Variants in TAB2 observed in about 807,000 individuals in gnomAD.
TAB2 encodes TGF-beta-activated kinase 1 and MAP3K7-binding protein 2.
TAB2 carries 3 observed loss-of-function variants against 65.0 expected under a neutral mutation model. The observed-to-expected ratio is 0.05, with a 90% CI of 0.02 to 0.12. The LOEUF is 0.12. Among genes scored for constraint, TAB2 ranks in the 10% least tolerant of loss-of-function variants. TAB2 has a pLI of 1.00. For missense variants in TAB2, 623 were observed against 840.3 expected (o/e 0.74, Z 3.20); for synonymous variants, 298 against 285.1 (o/e 1.05, Z -0.46).
At chr6:149,298,491 G>C (rs1778916250) in intron 1 of TAB2, among the ~76,000 whole-genome samples, 1 of 152,066 alleles carries the variant, frequency 6.6e-6, no homozygotes. Context: ...AACCAGGCGT[G>C]GTAGTGCACA....
intron 1 of TAB2, among the ~76,000 whole-genome samples, chr6:149,272,038 C>CATTG (rs957149694): frequency 4.6e-5 from 7 of 152,012 alleles, no homozygotes; most frequent in African/African-American, 1.4e-4. Flanking sequence ...AAGAGGAAGT[C>CATTG]ATTGAGTAAT....
rs574233530 is a variant in TAB2, at chr6:149,330,879, A to G, written c.-90+12864A>G. 3.3e-5 allele frequency among the ~76,000 whole-genome samples: 5 copies of G among 152,272 alleles called. No individual in the cohort carries two copies. In the South Asian group the frequency reaches 6.2e-4, roughly 19 times the overall value. On this transcript the variant is annotated intron_variant, in intron 1 of 6. Coordinates refer to ENST00000637181, the MANE Select transcript of TAB2 (RefSeq NM_001292034.3). ...CCTTAGGTCCCAAACAAAAAAGACT[A>G]TCCTTCCTTTATTGAATTGCTTTTG... is the stretch of plus-strand genomic sequence containing the variant.
chr6:149,361,341 A>G (rs923965489), intron 1 of TAB2, among the ~76,000 whole-genome samples: 1 of 152,180 alleles, frequency 6.6e-6, no homozygotes, highest in Non-Finnish European at 1.5e-5. Context: ...CTGTAGGCTT[A>G]ACACCATAGA....
intron 1 of TAB2, chr6:149,342,916 T>A (rs2114782899): frequency 6.6e-6 from 1 of 152,280 alleles, no homozygotes; most frequent in African/African-American, 2.4e-5. Context: ...AAACTTGACT[T>A]TCAAAACTTA....
chr6:149,228,098 C>T (rs963721296), intron 1 of TAB2, among the ~76,000 whole-genome samples: 1 of 152,016 alleles, frequency 6.6e-6, no homozygotes, highest in Non-Finnish European at 1.5e-5. Context: ...TTAAGCCCAG[C>T]GCCAAGTCAG....
chr6:149,272,513 T>C (rs1778382069), intron 1 of TAB2, among the ~76,000 whole-genome samples: 1 of 152,176 alleles, frequency 6.6e-6, no homozygotes, highest in South Asian at 2.1e-4. Flanking sequence ...AAGGCAGCAA[T>C]TACATCGCTC....
chr6:149,378,560 T>C lies in TAB2; in HGVS notation c.645T>C (p.Ile215=). The C allele has an allele frequency of 6.2e-7, 1 of 1,614,038 alleles. No homozygotes were observed. The highest frequency in any genetic ancestry group is 1.1e-5 in the South Asian group (1 of 91,080). The change falls in exon 3 of 7, where the codon ATT becomes ATC. Residue 215 remains isoleucine, a synonymous_variant. Transcript: ENST00000637181. The part of the protein sequence containing the change: ...LNSPQGNSIY[I]RPYITTPGGT... ...GTCCACAGGGAAATTCTATCTATAT[T>C]AGGCCTTACATTACAACTCCTGGTG... is the stretch of plus-strand genomic sequence containing the variant.
intron 1 of TAB2, among the ~76,000 whole-genome samples, chr6:149,226,331 G>C (rs910627687): frequency 6.6e-6 from 1 of 152,086 alleles, no homozygotes; most frequent in Non-Finnish European, 1.5e-5. Flanking sequence ...GCGTGCTTCC[G>C]CTCTTCAGTG....
At chr6:149,262,640 C>G (rs1778178887) in intron 1 of TAB2, among the ~76,000 whole-genome samples, 1 of 152,124 alleles carries the variant, frequency 6.6e-6, no homozygotes, top group South Asian at 2.1e-4. Context: ...AATGCAAATC[C>G]TTGCCATTTA....
At chr6:149,227,144 C>A (rs1371164020) in intron 1 of TAB2, among the ~76,000 whole-genome samples, 2 of 152,270 alleles carry the variant, frequency 1.3e-5, no homozygotes, top group East Asian at 3.9e-4. Context: ...TCTAAGAAAC[C>A]TTTAATATTA....
chr6:149,337,280 T>C (rs933551952), intron 1 of TAB2, among the ~76,000 whole-genome samples: 2 of 44,960 alleles, frequency 4.4e-5, no homozygotes, highest in African/African-American at 1.6e-4. Context: ...TAAAACCATA[T>C]TTTCAAAAAC....
chr6:149,335,834 T>C (rs1779917339), intron 1 of TAB2, among the ~76,000 whole-genome samples: 1 of 152,102 alleles, frequency 6.6e-6, no homozygotes. Context: ...TGATTGAAAC[T>C]TACTCCTGAA....
intron 1 of TAB2, among the ~76,000 whole-genome samples, chr6:149,363,049 C>G (rs1159516947): frequency 6.6e-6 from 1 of 152,108 alleles, no homozygotes; most frequent in Non-Finnish European, 1.5e-5. Context: ...CTGAATACCA[C>G]TACAGGAAGG....
intron 1 of TAB2, among the ~76,000 whole-genome samples, chr6:149,275,236 GAA>G (rs55694386): frequency 0.015 from 747 of 51,322 alleles, 12 homozygotes; most frequent in Admixed American, 0.036. Flanking sequence ...GAGAGAGAGA[GAA>G]AGAAAGAAAG....
At chr6:149,233,015 T>C (rs1007533662) in intron 1 of TAB2, among the ~76,000 whole-genome samples, 2 of 152,116 alleles carry the variant, frequency 1.3e-5, no homozygotes, top group African/African-American at 2.4e-5. Flanking sequence ...TGCCAGGGCA[T>C]AGTACATAAT....
At chr6:149,306,061 G>A (rs1240698887) in intron 1 of TAB2, among the ~76,000 whole-genome samples, 7 of 152,246 alleles carry the variant, frequency 4.6e-5, no homozygotes, top group Middle Eastern at 6.8e-3. Flanking sequence ...GAAAGAAGTG[G>A]GTGGGCTGTT....
chr6:149,343,075 G>A (rs1313588803), intron 1 of TAB2, among the ~76,000 whole-genome samples: 1 of 152,018 alleles, frequency 6.6e-6, no homozygotes. Flanking sequence ...AAAAATAAAT[G>A]TGAAATGCTA....
At position 149,219,306 on chromosome 6, in the gene TAB2, TTGTGTGTG is replaced by T. The variant is rs3064238; in HGVS notation, c.-121+560_-121+567del. On this transcript the variant is annotated intron_variant, in intron 1 of 1. Coordinates refer to the TAB2 transcript ENST00000606202. ...TACCAAGTGTTTCATATTTTAACATTTGTGTGTGTGTGTGTGTGTGTGTGTGTGTGTGT... is the reference window on the plus strand; with the variant it reads ...TACCAAGTGTTTCATATTTTAACATTTGTGTGTGTGTGTGTGTGTGTGTGT... Among the ~76,000 whole-genome samples, 758 of 146,088 alleles carry T rather than the reference TTGTGTGTG, an allele frequency of 5.2e-3. 2 individuals are homozygous for T. Among genetic ancestry groups the T allele is most frequent in the Non-Finnish European group, 7.1e-3 (471 of 66,182 alleles).
intron 3 of TAB2, among the ~76,000 whole-genome samples, chr6:149,393,728 G>C (rs1562450715): frequency 6.6e-6 from 1 of 152,134 alleles, no homozygotes; most frequent in African/African-American, 2.4e-5. Flanking sequence ...GTATTTGTTG[G>C]AAAATAAATT....
Sources: allele counts gnomAD v4.1 joint callset (sites outside exome capture counted in the v4.1 genomes callset), GRCh38; gene constraint gnomAD v4.1.1; transcripts MANE v1.5; gene names NCBI Gene and HGNC (gene_info 2026-07-23, HGNC 2026-07-21).